The following ANK2 variants were observed in gnomAD, a reference collection of about 807,000 sequenced individuals.
ANK2 encodes the protein ankyrin-2.
ANK2 carries 83 observed loss-of-function variants against 360.5 expected under a neutral mutation model. The observed-to-expected ratio is 0.23, with a 90% CI of 0.19 to 0.28. The LOEUF is 0.28. Ranked by LOEUF, ANK2 falls within the 10% of genes least tolerant of loss-of-function variation. The probability of loss-of-function intolerance (pLI) is 1.00; values close to 1 mark genes in which losing one functional copy is unlikely to be tolerated. For missense variants in ANK2, 4,201 were observed against 4,795.7 expected (o/e 0.88, Z 3.66); for synonymous variants, 1,740 against 1,759.5 (o/e 0.99, Z 0.28).
At chr4:112,829,448 G>A (rs1334945172) in intron 1 of ANK2, among the ~76,000 whole-genome samples, 1 of 125,888 alleles carries the variant, frequency 7.9e-6, no homozygotes, top group African/African-American at 3.3e-5. Flanking sequence ...TTTGAGACCA[G>A]GAGTTAGACT....
At chr4:112,868,691 G>T (rs11098181) in intron 1 of ANK2, among the ~76,000 whole-genome samples, 2 of 151,870 alleles carry the variant, frequency 1.3e-5, no homozygotes, top group Non-Finnish European at 2.9e-5. Context: ...CTCTATATTT[G>T]TTTCATTTAA....
At chr4:112,780,679 A>G in the ANK2 span, among the ~76,000 whole-genome samples, 3,249 of 152,242 alleles carry the variant, frequency 0.021, 116 homozygotes, top group African/African-American at 0.074. Context: ...CTGGGGAGGC[A>G]TCAGGAAACT....
intron 1 of ANK2, among the ~76,000 whole-genome samples, chr4:112,840,268 C>CATGGT (rs2149792393): frequency 6.6e-6 from 1 of 152,290 alleles, no homozygotes; most frequent in Non-Finnish European, 1.5e-5. Flanking sequence ...TGGCCCAGGA[C>CATGGT]ATGGTAGGAG....
intron 8 of ANK2, among the ~76,000 whole-genome samples, 171 bp downstream of exon 8, chr4:113,240,754 T>C (rs1033497312): frequency 2.0e-5 from 3 of 152,218 alleles, no homozygotes; most frequent in African/African-American, 7.2e-5. Context: ...AGAAGTCATC[T>C]TGGCTTAAGC....
At chr4:112,940,435 A>C (rs551437126) in intron 2 of ANK2, among the ~76,000 whole-genome samples, 3 of 152,198 alleles carry the variant, frequency 2.0e-5, no homozygotes, top group Non-Finnish European at 4.4e-5. Context: ...GGAGCTAGTG[A>C]CATTAAAAAA....
the ANK2 span, among the ~76,000 whole-genome samples, chr4:112,745,864 A>G: frequency 6.6e-6 from 1 of 152,042 alleles, no homozygotes; most frequent in African/African-American, 2.4e-5. Flanking sequence ...TTCTATCTAA[A>G]TATATGTTTG....
intron 1 of ANK2, among the ~76,000 whole-genome samples, chr4:112,886,514 C>T (rs2150554290): frequency 6.6e-6 from 1 of 151,848 alleles, no homozygotes; most frequent in East Asian, 1.9e-4. Flanking sequence ...ATACAAAAAT[C>T]AGCTCGGTGT....
At chr4:113,082,251 G>T (rs1003821672) in intron 1 of ANK2, among the ~76,000 whole-genome samples, 3 of 152,204 alleles carry the variant, frequency 2.0e-5, no homozygotes, top group Admixed American at 1.3e-4. Flanking sequence ...TAAGTGTGTA[G>T]AATAACTCAG....
At chr4:113,095,511 G>A (rs557327526) in intron 1 of ANK2, among the ~76,000 whole-genome samples, 1 of 152,188 alleles carries the variant, frequency 6.6e-6, no homozygotes, top group South Asian at 2.1e-4. Context: ...GACAAGAAAT[G>A]TTTAGATCTT....
At chr4:113,273,448 A>G (rs2059196588) in intron 14 of ANK2, among the ~76,000 whole-genome samples, 1 of 152,076 alleles carries the variant, frequency 6.6e-6, no homozygotes, top group Non-Finnish European at 1.5e-5. Context: ...GTGCTATTTT[A>G]TCTCTTCCTA....
chr4:113,334,158 C>A (rs1437887212), intron 29 of ANK2, among the ~76,000 whole-genome samples: 6 of 152,134 alleles, frequency 3.9e-5, no homozygotes, highest in Non-Finnish European at 8.8e-5. Context: ...GCCTGACCAT[C>A]GCTTCTTTAC....
At position 113,049,685 on chromosome 4, in the gene ANK2, G is replaced by A. The variant is rs1415575446; in HGVS notation, c.-44G>A. The A allele has an allele frequency of 1.2e-6, 2 of 1,600,638 alleles. No individual in the cohort carries two copies. The highest frequency in any genetic ancestry group is 1.1e-5 in the South Asian group (1 of 90,096). On this transcript the variant is annotated 5_prime_UTR_variant, in exon 1 of 46. Transcript: ENST00000357077. ...TACCCGCTAGTGGTCTGTACAGGCGGCACGGTTTGATGGCAGAGATATTTT... is the reference window on the plus strand; with the variant it reads ...TACCCGCTAGTGGTCTGTACAGGCGACACGGTTTGATGGCAGAGATATTTT...
intron 1 of ANK2, among the ~76,000 whole-genome samples, chr4:113,081,557 C>T (rs1405147172): frequency 6.6e-6 from 1 of 152,098 alleles, no homozygotes; most frequent in Non-Finnish European, 1.5e-5. Flanking sequence ...ATTTTATTAT[C>T]ATTCCAGTTC....
the ANK2 span, among the ~76,000 whole-genome samples, chr4:112,784,641 C>T: frequency 1.3e-5 from 2 of 152,104 alleles, no homozygotes; most frequent in Non-Finnish European, 2.9e-5. Flanking sequence ...CCCCGTCCGG[C>T]CCGGGCTGGT....
intron 2 of ANK2, among the ~76,000 whole-genome samples, chr4:112,967,618 A>G (rs2037819007): frequency 6.6e-6 from 1 of 152,248 alleles, no homozygotes; most frequent in Non-Finnish European, 1.5e-5. Context: ...GAGGTGTAGC[A>G]AAAATTTGTA....
Position 113,358,739 on chromosome 4 carries a change from C to T in ANK2, c.10121C>T (p.Pro3374Leu), listed in dbSNP as rs2095990889. Residue 3374 changes from proline to leucine, a missense_variant, in exon 38 of 46, where the codon CCT becomes CTT. Physicochemically the swap from Pro to Leu is moderately conservative, Grantham distance 98. This residue lies in a region of ANK2 where 2,642 missense variants were observed against 2,714.5 expected (regional missense o/e 0.97). Transcript: ENST00000357077. ...LDTSVQKTVA[P>L]QGQDMASIAP... ...ACCTCTGTCCAGAAGACAGTGGCTC[C>T]TCAGGGACAGGACATGGCAAGCATC... The T allele has an allele frequency of 1.2e-6, 2 of 1,614,062 alleles. No homozygotes were observed. Among genetic ancestry groups the T allele is most frequent in the Non-Finnish European group, 1.7e-6 (2 of 1,179,962 alleles).
chr4:113,272,637 A>G (rs995514801), intron 14 of ANK2, among the ~76,000 whole-genome samples: 1 of 152,152 alleles, frequency 6.6e-6, no homozygotes, highest in African/African-American at 2.4e-5. Flanking sequence ...TTTTTTAAAG[A>G]AGAACATTAA....
At chr4:113,292,295 CTCCAAATAAAGCA>C in intron 20 of ANK2, 108 bp from the exon 21 acceptor site, 1 of 912,812 alleles carries the variant, frequency 1.1e-6, no homozygotes, top group Non-Finnish European at 1.8e-6. Context: ...TCATCTTGGG[CTCCAAATAAAGCA>C]TCTGTGATGG....
the ANK2 span, among the ~76,000 whole-genome samples, chr4:112,762,848 G>GTT: frequency 6.6e-6 from 1 of 152,140 alleles, no homozygotes; most frequent in African/African-American, 2.4e-5. Flanking sequence ...ACTGTATTTT[G>GTT]TTTTTAATAC....
Sources: allele counts gnomAD v4.1 joint callset (sites outside exome capture counted in the v4.1 genomes callset), GRCh38; gene constraint gnomAD v4.1.1; regional missense constraint gnomAD v4.1.1; transcripts MANE v1.5; gene names NCBI Gene and HGNC (gene_info 2026-07-23, HGNC 2026-07-21).